The following SNX14 variants were observed in gnomAD, a reference collection of about 807,000 sequenced individuals.
SNX14 encodes sorting nexin-14.
SNX14 carries 93 observed loss-of-function variants against 133.8 expected under a neutral mutation model. That is an observed-to-expected ratio of 0.70 (90% confidence interval 0.59 to 0.83). The LOEUF (loss-of-function observed/expected upper bound fraction) is 0.83. Among genes scored for constraint, SNX14 ranks in the 40% least tolerant of loss-of-function variants. SNX14 has a pLI of 0.00. For missense variants in SNX14, 945 were observed against 1,094.9 expected, an observed-to-expected ratio of 0.86 and a Z score of 1.93; for synonymous variants, 368 against 365.6, an observed-to-expected ratio of 1.01 and a Z score of -0.07.
Position 85,577,759 on chromosome 6 carries a change from G to A in SNX14, c.141-3381C>T, listed in dbSNP as rs1282551529. Among the ~76,000 whole-genome samples, 40 of 152,006 alleles carry A rather than the reference G, an allele frequency of 2.6e-4. 1 individual carries two copies. Among genetic ancestry groups the A allele is most frequent in the Non-Finnish European group, 1.5e-4 (10 of 68,006 alleles). On this transcript the variant is annotated intron_variant, in intron 1 of 28. Transcript: ENST00000314673. ...AGAATTGGAAAGAAAACCAAGGGTC[G>A]AGTCATAAAAACTGGCAAGGTCAAA...
intron 18 of SNX14, among the ~76,000 whole-genome samples, chr6:85,531,402 C>T (rs147984293): frequency 6.6e-6 from 1 of 152,328 alleles, no homozygotes; most frequent in Non-Finnish European, 1.5e-5. Flanking sequence ...TTATTGTTAA[C>T]ATCTAACATC....
chr6:85,542,126 G>T, intron 14 of SNX14, 83 bp from the exon 15 acceptor site: 6 of 911,012 alleles, frequency 6.6e-6, no homozygotes, highest in Non-Finnish European at 7.8e-6. Context: ...CTACTTTCCA[G>T]TTTTGGGAAA....
chr6:85,507,939 A>C (rs1190581903), intron 27 of SNX14, 29 bp downstream of exon 27: 4 of 1,591,632 alleles, frequency 2.5e-6, no homozygotes, highest in Non-Finnish European at 3.4e-6. Flanking sequence ...CCTAGCCAGC[A>C]TGAGTTTACG....
At chr6:85,578,902 G>A (rs1008909913) in intron 1 of SNX14, among the ~76,000 whole-genome samples, 1 of 152,164 alleles carries the variant, frequency 6.6e-6, no homozygotes. Flanking sequence ...TTGGAAGGCT[G>A]AGGCGGGCGG....
chr6:85,507,234 T>G lies in SNX14; in HGVS notation c.2801A>C (p.Lys934Thr). 6.2e-7 allele frequency: 1 copy of G among 1,610,602 alleles called. No individual in the cohort carries two copies. The highest frequency in any genetic ancestry group is 8.5e-7 in the Non-Finnish European group (1 of 1,178,618). ...ATAAAATTACTGCTTTTCAGTTACC[T>G]TATTGAGCTCTGGAAACAGTTCCTG... is the stretch of plus-strand genomic sequence containing the variant. ...VIQELFPELN[K>T]VQKEVTSVTS... The change falls in exon 28 of 29, where the codon AAG (lysine) becomes ACG (threonine). Residue 934 changes from lysine (K) to threonine (T), a missense_variant and splice_region_variant. Transcript: ENST00000314673.
intron 4 of SNX14, among the ~76,000 whole-genome samples, chr6:85,568,653 G>C (rs921378063): frequency 4.6e-5 from 7 of 152,098 alleles, no homozygotes; most frequent in Non-Finnish European, 1.0e-4. Context: ...AGTAGGGAGG[G>C]AACAAAACGA....
Position 85,507,227 on chromosome 6 carries a change from A to G in SNX14, c.2802+6T>C, listed in dbSNP as rs1485558666. ...ATCATGAATAAAATTACTGCTTTTC[A>G]GTTACCTTATTGAGCTCTGGAAACA... On this transcript the variant is annotated splice_donor_region_variant and intron_variant, in intron 28 of 28. Coordinates refer to ENST00000314673, the MANE Select transcript of SNX14 (RefSeq NM_153816.6). 3.1e-6 allele frequency: 5 copies of G among 1,608,862 alleles called. No individual in the cohort carries two copies. The highest frequency in any genetic ancestry group is 4.2e-6 in the Non-Finnish European group (5 of 1,177,540).
intron 19 of SNX14, among the ~76,000 whole-genome samples, 175 bp downstream of exon 19, chr6:85,530,017 G>A (rs1023803386): frequency 6.6e-6 from 1 of 151,938 alleles, no homozygotes; most frequent in African/African-American, 2.4e-5. Context: ...TAAATATACA[G>A]ATAAATAAAA....
Position 85,514,325 on chromosome 6 carries a change from C to A in SNX14, c.2393-91G>T. On this transcript the variant is annotated intron_variant, in intron 24 of 28. Coordinates refer to ENST00000314673, the MANE Select transcript of SNX14 (RefSeq NM_153816.6). ...TGTAGAAAACACAAATGACCATGGT[C>A]AATATTTTATTTGTAAACACTAGCA... 3 of 1,503,172 alleles carry A rather than the reference C, an allele frequency of 2.0e-6. No individual in the cohort carries two copies. The South Asian group carries it at 4.0e-5, about 20-fold the overall frequency. 93.1% of individuals were successfully genotyped at this position (1,503,172 alleles called of 1,614,324 possible). A position where few individuals can be genotyped will look rare whatever the true frequency, so the allele number is the denominator to read the frequency against.
chr6:85,574,891 A>C (rs2128205431), intron 1 of SNX14, among the ~76,000 whole-genome samples: 1 of 152,364 alleles, frequency 6.6e-6, no homozygotes, highest in East Asian at 1.9e-4. Flanking sequence ...ATTACGACAG[A>C]AAGTCTGTGT....
chr6:85,576,487 G>C (rs1470553278), intron 1 of SNX14, among the ~76,000 whole-genome samples: 3 of 151,828 alleles, frequency 2.0e-5, no homozygotes, highest in African/African-American at 4.9e-5. Flanking sequence ...GTGAGTAACA[G>C]GCATTTGAAA....
chr6:85,519,979 A>G (rs1340967081), intron 21 of SNX14, among the ~76,000 whole-genome samples: 1 of 152,126 alleles, frequency 6.6e-6, no homozygotes, highest in Admixed American at 6.5e-5. Context: ...ACAAATGAAT[A>G]AAAAATAAAA....
chr6:85,553,422 G>A lies in SNX14; in HGVS notation c.635-3543C>T, dbSNP rs187618246. On this transcript the variant is annotated intron_variant, in intron 7 of 28. Coordinates refer to ENST00000314673, the MANE Select transcript of SNX14 (RefSeq NM_153816.6). ...ACAGTATCTTAGCACAGTAAGCTGTGCTAAGTCCCAGCTCTGCTTCTTTAT... is the reference window on the plus strand; with the variant it reads ...ACAGTATCTTAGCACAGTAAGCTGTACTAAGTCCCAGCTCTGCTTCTTTAT... Among the ~76,000 whole-genome samples the A allele has an allele frequency of 7.9e-5, 12 of 152,294 alleles. No individual in the cohort carries two copies. In the East Asian group the frequency reaches 2.3e-3, roughly 29 times the overall value.
At chr6:85,571,232 C>G (rs540264411) in intron 4 of SNX14, among the ~76,000 whole-genome samples, 2 of 151,734 alleles carry the variant, frequency 1.3e-5, no homozygotes, top group African/African-American at 2.4e-5. Flanking sequence ...TGGTGGTGCA[C>G]GCCTGCAGTC....
In SNX14 at chr6:85,530,186, A is replaced by C; in HGVS notation, c.1894+6T>G. ...TGTAATGTTTTATCCAAAAAGAATAACATACCATGAAATTCTGTTAGTTTT... is the reference window on the plus strand; with the variant it reads ...TGTAATGTTTTATCCAAAAAGAATACCATACCATGAAATTCTGTTAGTTTT... On this transcript the variant is annotated splice_donor_region_variant and intron_variant, in intron 19 of 28. Transcript: ENST00000314673. 1 of 1,519,490 alleles carries C rather than the reference A, an allele frequency of 6.6e-7. No homozygotes were observed. The highest frequency in any genetic ancestry group is 1.4e-5 in the African/African-American group (1 of 72,600). The allele number at this position is 1,519,490 out of a possible 1,614,324, so 94.1% of individuals were successfully genotyped here.
At chr6:85,571,459 G>A (rs920838006) in intron 4 of SNX14, among the ~76,000 whole-genome samples, 21 of 151,952 alleles carry the variant, frequency 1.4e-4, no homozygotes, top group Admixed American at 6.6e-4. Context: ...ACAATTAAGC[G>A]GGATTCAGAT....
At chr6:85,547,444 T>C in intron 10 of SNX14, 47 bp from the exon 11 acceptor site, 1 of 1,606,618 alleles carries the variant, frequency 6.2e-7, no homozygotes, top group Non-Finnish European at 8.5e-7. Flanking sequence ...CCCACTTGAT[T>C]TGACATACAA....
chr6:85,508,030 T>G lies in SNX14; in HGVS notation c.2683A>C (p.Thr895Pro). ...DLLVKCIGEE[T>P]KYESIRLLFD... ...AGAAGTCTGATGCTTTCATACTTGG[T>G]TTCTTCACCAATACACTTGACTAAC... The change falls in exon 27 of 29, where the codon ACC becomes CCC. Residue 895 changes from threonine (T) to proline (P), a missense_variant. Around this residue, in one of 3 missense-constraint regions of SNX14, gnomAD observed 412 missense variants for 516.6 expected, o/e 0.80. Transcript: ENST00000314673. The G allele has an allele frequency of 6.2e-7, 1 of 1,612,974 alleles. No individual in the cohort carries two copies. The highest frequency in any genetic ancestry group is 8.5e-7 in the Non-Finnish European group (1 of 1,179,392).
intron 1 of SNX14, among the ~76,000 whole-genome samples, chr6:85,582,888 C>G (rs1191464883): frequency 2.0e-5 from 3 of 152,126 alleles, no homozygotes; most frequent in Non-Finnish European, 2.9e-5. Context: ...TTCCAAACAA[C>G]AGAAAAAGAG....
Sources: allele counts gnomAD v4.1 joint callset (sites outside exome capture counted in the v4.1 genomes callset), GRCh38; gene constraint gnomAD v4.1.1; regional missense constraint gnomAD v4.1.1; transcripts MANE v1.5; gene names NCBI Gene and HGNC (gene_info 2026-07-23, HGNC 2026-07-21).